The following NKAIN2 variants were observed in gnomAD, a reference collection of about 807,000 sequenced individuals.
NKAIN2 encodes sodium/potassium transporting ATPase interacting 2.
Under a neutral mutation model 32.6 loss-of-function variants are expected in NKAIN2, and 14 were observed. That is an observed-to-expected ratio of 0.43 (90% CI 0.28 to 0.67). The LOEUF (loss-of-function observed/expected upper bound fraction) is 0.67. Among genes scored for constraint, NKAIN2 ranks in the 30% least tolerant of loss-of-function variants. NKAIN2 has a pLI of 0.17. For missense variants in NKAIN2, 198 were observed against 258.3 expected (o/e 0.77, Z 1.60); for synonymous variants, 80 against 87.2 (o/e 0.92, Z 0.46).
intron 1 of NKAIN2, among the ~76,000 whole-genome samples, chr6:123,892,172 C>A (rs76008819): frequency 1.3e-5 from 2 of 152,142 alleles, no homozygotes; most frequent in East Asian, 3.9e-4. Flanking sequence ...ACAGGCAGGT[C>A]AAACTGCATT....
intron 1 of NKAIN2, among the ~76,000 whole-genome samples, chr6:123,946,314 G>A (rs1562271786): frequency 6.6e-6 from 1 of 152,022 alleles, no homozygotes; most frequent in Non-Finnish European, 1.5e-5. Context: ...CTTAAATGTT[G>A]ACTATATAAA....
chr6:124,804,861 G>T (rs1249663652), intron 5 of NKAIN2, among the ~76,000 whole-genome samples: 6 of 152,162 alleles, frequency 3.9e-5, no homozygotes, highest in Non-Finnish European at 5.9e-5. Flanking sequence ...TGGCTCCGAG[G>T]GTCCTATGCC....
intron 3 of NKAIN2, among the ~76,000 whole-genome samples, chr6:124,625,257 C>CA (rs200650915): frequency 0.014 from 2,177 of 151,506 alleles, 24 homozygotes; most frequent in Non-Finnish European, 0.023. Flanking sequence ...ATTTTCTCTA[C>CA]AAAAAAAACA....
At chr6:124,498,237 G>A (rs1778144347) in intron 3 of NKAIN2, among the ~76,000 whole-genome samples, 1 of 152,146 alleles carries the variant, frequency 6.6e-6, no homozygotes, top group African/African-American at 2.4e-5. Context: ...TGGAAAGATT[G>A]GCAGGGGGCA....
At chr6:124,231,123 G>A (rs980631156) in intron 1 of NKAIN2, among the ~76,000 whole-genome samples, 3 of 152,234 alleles carry the variant, frequency 2.0e-5, no homozygotes, top group African/African-American at 7.2e-5. Context: ...GTGAGACACG[G>A]TGTCAAAGGA....
intron 1 of NKAIN2, among the ~76,000 whole-genome samples, chr6:123,858,775 T>C (rs984656629): frequency 1.3e-5 from 2 of 152,124 alleles, no homozygotes; most frequent in Non-Finnish European, 2.9e-5. Flanking sequence ...TGGAAGCAGC[T>C]GAGGTCAGTA....
chr6:124,062,486 T>C (rs1782960999), intron 1 of NKAIN2, among the ~76,000 whole-genome samples: 1 of 152,192 alleles, frequency 6.6e-6, no homozygotes, highest in South Asian at 2.1e-4. Flanking sequence ...TGGAATGCAG[T>C]GGCACGAGCA....
At chr6:124,725,722 G>T (rs575821240) in intron 4 of NKAIN2, among the ~76,000 whole-genome samples, 6 of 152,170 alleles carry the variant, frequency 3.9e-5, no homozygotes, top group Non-Finnish European at 7.3e-5. Context: ...GGCCGAATAG[G>T]AACAGCTCTG....
rs919097801 is a variant in NKAIN2, at chr6:124,412,957, G to A, written c.273+57610G>A. Among the ~76,000 whole-genome samples, 11 of 152,320 alleles carry A rather than the reference G, an allele frequency of 7.2e-5. 1 individual carries two copies. The highest frequency in any genetic ancestry group is 1.7e-4 in the African/African-American group (7 of 41,580). On this transcript the variant is annotated intron_variant, in intron 3 of 6. Coordinates refer to ENST00000368417, the MANE Select transcript of NKAIN2 (RefSeq NM_001040214.3). ...TAGCAATGAGCAAGGCTCCATGGGC[G>A]TAGGACCCTCCGAGCCAGGTGCAGG...
At chr6:124,477,761 TC>T (rs199504266) in intron 3 of NKAIN2, among the ~76,000 whole-genome samples, 28,031 of 66,702 alleles carry the variant, frequency 0.42, 6,864 homozygotes, top group South Asian at 0.58. Context: ...CCTTTTCCTT[TC>T]CCCCCCTCCC....
At chr6:124,691,331 A>T (rs1384665670) in intron 4 of NKAIN2, among the ~76,000 whole-genome samples, 2 of 151,792 alleles carry the variant, frequency 1.3e-5, no homozygotes, top group Non-Finnish European at 2.9e-5. Context: ...TAACCTCACT[A>T]CTCTCAGTCT....
At chr6:124,417,519 T>G (rs1774549098) in intron 3 of NKAIN2, among the ~76,000 whole-genome samples, 1 of 152,058 alleles carries the variant, frequency 6.6e-6, no homozygotes, top group African/African-American at 2.4e-5. Context: ...TTTATTAACT[T>G]TAAAGCATTT....
intron 3 of NKAIN2, among the ~76,000 whole-genome samples, chr6:124,402,767 C>A (rs1261295022): frequency 1.3e-5 from 2 of 152,076 alleles, no homozygotes; most frequent in African/African-American, 4.8e-5. Context: ...CCTATAGACA[C>A]AAAGAAGGGA....
intron 3 of NKAIN2, among the ~76,000 whole-genome samples, chr6:124,559,541 T>G (rs1182930119): frequency 6.6e-6 from 1 of 152,204 alleles, no homozygotes; most frequent in African/African-American, 2.4e-5. Flanking sequence ...CAACTTTCCC[T>G]TCATTCTAGA....
chr6:124,763,159 G>T (rs1465209736), intron 4 of NKAIN2, among the ~76,000 whole-genome samples: 2 of 152,192 alleles, frequency 1.3e-5, no homozygotes, highest in East Asian at 3.9e-4. Context: ...TTGGGGAGCT[G>T]TTTAGCCAAA....
chr6:123,919,090 A>T (rs11154198), intron 1 of NKAIN2, among the ~76,000 whole-genome samples: 40,339 of 152,006 alleles, frequency 0.27, 6,767 homozygotes, highest in East Asian at 0.52. Context: ...AAAACCAACA[A>T]AAGAATTATG....
chr6:124,813,039 T>C (rs545204863), intron 5 of NKAIN2, among the ~76,000 whole-genome samples: 10 of 152,076 alleles, frequency 6.6e-5, no homozygotes, highest in Admixed American at 2.0e-4. Context: ...AAAAACATCG[T>C]TGTTATCAGT....
intron 4 of NKAIN2, among the ~76,000 whole-genome samples, chr6:124,683,881 T>C (rs1000738665): frequency 6.6e-6 from 1 of 152,140 alleles, no homozygotes; most frequent in African/African-American, 2.4e-5. Context: ...ATTCAGCATA[T>C]TGTGGAAAGT....
At chr6:124,033,442 GTGTTT>G (rs1483108687) in intron 1 of NKAIN2, among the ~76,000 whole-genome samples, 1 of 152,048 alleles carries the variant, frequency 6.6e-6, no homozygotes, top group African/African-American at 2.4e-5. Flanking sequence ...GCTAACTATT[GTGTTT>G]TAAGTGGCTG....
Sources: allele counts gnomAD v4.1 joint callset (sites outside exome capture counted in the v4.1 genomes callset), GRCh38; gene constraint gnomAD v4.1.1; transcripts MANE v1.5; gene names NCBI Gene and HGNC (gene_info 2026-07-23, HGNC 2026-07-21).